The following MPZL1 variants were observed in gnomAD, a reference collection of about 807,000 sequenced individuals.
MPZL1 encodes the protein myelin protein zero like 1, also known as myelin protein zero-like protein 1.
A neutral mutation model predicts 29.3 loss-of-function variants in MPZL1; 16 were observed. That is an observed-to-expected ratio of 0.55 (90% confidence interval 0.37 to 0.83). The LOEUF (loss-of-function observed/expected upper bound fraction) is 0.83. Among genes scored for constraint, MPZL1 ranks in the 40% least tolerant of loss-of-function variants. The pLI is 0.00. For synonymous variants in MPZL1, 143 were observed against 132.0 expected (o/e 1.08, Z -0.57); for missense variants, 279 against 332.9 (o/e 0.84, Z 1.26).
At chr1:167,726,136 T>C (rs1249611760) in intron 1 of MPZL1, among the ~76,000 whole-genome samples, 2 of 152,154 alleles carry the variant, frequency 1.3e-5, no homozygotes, top group Admixed American at 6.5e-5. Context: ...CCTTTCTCAC[T>C]ATATTCAAGC....
chr1:167,723,311 A>G (rs1428075529), intron 1 of MPZL1, among the ~76,000 whole-genome samples: 1 of 152,220 alleles, frequency 6.6e-6, no homozygotes, highest in Admixed American at 6.5e-5. Context: ...TTCTTAATAT[A>G]ATCCTTGGAT....
intron 1 of MPZL1, among the ~76,000 whole-genome samples, chr1:167,752,186 G>A (rs1660773546): frequency 6.6e-6 from 1 of 152,006 alleles, no homozygotes; most frequent in South Asian, 2.1e-4. Context: ...AATCTATTTT[G>A]AGTCTTCTCA....
Position 167,773,281 on chromosome 1 carries a change from C to A in MPZL1, c.518C>A (p.Thr173Asn). ...GTTTGGGTAGTGGTGGGCATAGTTA[C>A]TGCTGTGGTCCTAGGTCTCACTCTG... Reference protein sequence around the residue: ...FPVWVVVGIVTAVVLGLTLLI... With the variant: ...FPVWVVVGIVNAVVLGLTLLI... The change falls in exon 4 of 6, where the codon ACT becomes AAT. Residue 173 changes from threonine to asparagine, a missense_variant. Thr to Asn is a moderately conservative substitution (Grantham distance 65, BLOSUM62 0). Coordinates refer to ENST00000359523, the MANE Select transcript of MPZL1 (RefSeq NM_003953.6). 1 of 1,613,538 alleles carries A rather than the reference C, an allele frequency of 6.2e-7. No homozygotes were observed.
intron 1 of MPZL1, among the ~76,000 whole-genome samples, chr1:167,763,904 A>G (rs929218315): frequency 3.9e-5 from 6 of 152,238 alleles, no homozygotes; most frequent in African/African-American, 7.2e-5. Flanking sequence ...ATTTAAAAGA[A>G]TAGCCAAAAG....
chr1:167,773,544 C>T, intron 4 of MPZL1, 176 bp downstream of exon 4: 3 of 654,184 alleles, frequency 4.6e-6, no homozygotes, highest in Non-Finnish European at 7.2e-6. Flanking sequence ...ATCAGTGGGC[C>T]TGCTATTAAA....
chr1:167,739,842 A>G (rs1272054622), intron 1 of MPZL1, among the ~76,000 whole-genome samples: 1 of 152,198 alleles, frequency 6.6e-6, no homozygotes, highest in Non-Finnish European at 1.5e-5. Context: ...CAGAAAATGT[A>G]GCAACTCCAC....
intron 2 of MPZL1, among the ~76,000 whole-genome samples, chr1:167,770,528 G>T (rs1286651560): frequency 1.3e-5 from 2 of 152,234 alleles, no homozygotes; most frequent in African/African-American, 2.4e-5. Flanking sequence ...TGTTATCTGG[G>T]CTTTGTTCCT....
intron 3 of MPZL1, 137 bp from the exon 4 acceptor site, chr1:167,773,099 G>C: frequency 1.2e-6 from 1 of 821,286 alleles, no homozygotes; most frequent in Non-Finnish European, 1.9e-6. Context: ...AGGATAGATA[G>C]TAGGATCTCA....
chr1:167,741,287 G>T (rs1660518449), intron 1 of MPZL1, among the ~76,000 whole-genome samples: 2 of 148,908 alleles, frequency 1.3e-5, no homozygotes, highest in African/African-American at 2.5e-5. Flanking sequence ...CTCCCAAAGT[G>T]CTGGGATTAC....
chr1:167,755,100 A>G (rs776631566), intron 1 of MPZL1, among the ~76,000 whole-genome samples: 6 of 152,212 alleles, frequency 3.9e-5, no homozygotes, highest in Non-Finnish European at 8.8e-5. Flanking sequence ...ACAGATGTAC[A>G]ATGACATATA....
chr1:167,743,635 A>G (rs1469398687), intron 1 of MPZL1, among the ~76,000 whole-genome samples: 1 of 142,488 alleles, frequency 7.0e-6, no homozygotes, highest in Non-Finnish European at 1.6e-5. Flanking sequence ...GGTTAGGTAT[A>G]TTCCTAAGTA....
chr1:167,785,847 C>T (rs952801016), intron 5 of MPZL1, among the ~76,000 whole-genome samples: 1 of 152,166 alleles, frequency 6.6e-6, no homozygotes, highest in African/African-American at 2.4e-5. Flanking sequence ...GGCTGAAGTG[C>T]AGTGGCGCTA....
intron 1 of MPZL1, among the ~76,000 whole-genome samples, chr1:167,754,625 A>G (rs1001391173): frequency 6.6e-6 from 1 of 152,248 alleles, no homozygotes; most frequent in Non-Finnish European, 1.5e-5. Context: ...ACAAGTGAAC[A>G]TACCTATACC....
At position 167,787,839 on chromosome 1, in the gene MPZL1, A is replaced by T; in HGVS notation, c.728A>T (p.Gln243Leu). 1 of 1,613,740 alleles carries T rather than the reference A, an allele frequency of 6.2e-7. No homozygotes were observed. The highest frequency in any genetic ancestry group is 8.5e-7 in the Non-Finnish European group (1 of 1,179,584). The change falls in exon 6 of 6, where the codon CAG becomes CTG. Residue 243 changes from glutamine to leucine, a missense_variant. Coordinates refer to ENST00000359523, the MANE Select transcript of MPZL1 (RefSeq NM_003953.6). ...GSHQGPVIYA[Q>L]LDHSGGHHSD... is the part of the protein sequence containing the mutation. ...TTCCAGGGCCCAGTCATATATGCAC[A>T]GTTAGACCACTCCGGCGGACATCAC...
At chr1:167,728,990 G>T (rs940539773) in intron 1 of MPZL1, among the ~76,000 whole-genome samples, 22 of 152,102 alleles carry the variant, frequency 1.4e-4, no homozygotes, top group African/African-American at 5.3e-4. Context: ...TATCGGCCGG[G>T]CATGGTGACT....
chr1:167,741,506 A>G (rs1028802569), intron 1 of MPZL1, among the ~76,000 whole-genome samples: 5 of 150,358 alleles, frequency 3.3e-5, no homozygotes, highest in South Asian at 2.1e-4. Flanking sequence ...TTGTATTTTT[A>G]GTAGAGCTGG....
intron 1 of MPZL1, among the ~76,000 whole-genome samples, chr1:167,728,561 C>A (rs1660202179): frequency 6.6e-6 from 1 of 152,008 alleles, no homozygotes; most frequent in Non-Finnish European, 1.5e-5. Context: ...ATTCACTTAA[C>A]AATTTTTTCT....
chr1:167,775,570 G>C (rs1237842637), intron 4 of MPZL1, among the ~76,000 whole-genome samples: 1 of 152,100 alleles, frequency 6.6e-6, no homozygotes, highest in Non-Finnish European at 1.5e-5. Flanking sequence ...AATATGGAGA[G>C]AACAAGATAA....
intron 1 of MPZL1, 103 bp downstream of exon 1, chr1:167,722,345 G>C: frequency 8.2e-7 from 1 of 1,226,636 alleles, no homozygotes; most frequent in Non-Finnish European, 1.0e-6. Flanking sequence ...ACTGAGAGCC[G>C]AGGTGGGGAG....
Sources: allele counts gnomAD v4.1 joint callset (sites outside exome capture counted in the v4.1 genomes callset), GRCh38; gene constraint gnomAD v4.1.1; transcripts MANE v1.5; gene names NCBI Gene and HGNC (gene_info 2026-07-23, HGNC 2026-07-21).